The following FSIP2 variants were observed in gnomAD, a reference collection of about 807,000 sequenced individuals.
FSIP2 encodes fibrous sheath-interacting protein 2.
FSIP2 carries 367 observed loss-of-function variants against 510.5 expected under a neutral mutation model. The ratio of observed to expected loss-of-function variants is 0.72; its 90% CI spans 0.66 to 0.78. FSIP2 has a LOEUF of 0.78. Among genes scored for constraint, FSIP2 ranks in the 30% least tolerant of loss-of-function variants. FSIP2 has a pLI of 0.00. For synonymous variants in FSIP2, 2,601 were observed against 2,732.2 expected (o/e 0.95, Z 1.50); for missense variants, 7,594 against 7,901.7 (o/e 0.96, Z 1.48).
At chr2:185,757,728 C>T (rs912488890) in intron 9 of FSIP2, among the ~76,000 whole-genome samples, 9 of 151,276 alleles carry the variant, frequency 5.9e-5, no homozygotes, top group Non-Finnish European at 8.9e-5. Flanking sequence ...AGTCAATTTC[C>T]TGCTCCAGCT....
chr2:185,775,158 C>T (rs1221809722), intron 13 of FSIP2, among the ~76,000 whole-genome samples: 1 of 135,706 alleles, frequency 7.4e-6, no homozygotes, highest in East Asian at 2.2e-4. Context: ...AATCGCCACA[C>T]TGACTTCCAC....
chr2:185,767,728 G>C (rs1163034429), intron 13 of FSIP2, among the ~76,000 whole-genome samples: 4 of 151,840 alleles, frequency 2.6e-5, no homozygotes, highest in Non-Finnish European at 5.9e-5. Context: ...TCTATCTCTT[G>C]GTATATATCA....
At chr2:185,778,416 A>C (rs1029739774) in intron 13 of FSIP2, among the ~76,000 whole-genome samples, 3 of 152,072 alleles carry the variant, frequency 2.0e-5, no homozygotes, top group African/African-American at 4.8e-5. Flanking sequence ...GAAAATATAA[A>C]ATGTATCAAA....
chr2:185,791,768 G>A lies in FSIP2; in HGVS notation c.4632G>A (p.Arg1544=), dbSNP rs1057110876. 1 of 1,534,344 alleles carries A rather than the reference G, an allele frequency of 6.5e-7. No homozygotes were observed. The highest frequency in any genetic ancestry group is 2.0e-5 in the Admixed American group (1 of 50,830). Residue 1544 remains arginine (R), a synonymous_variant, in exon 16 of 23, where the codon AGG becomes AGA. Coordinates refer to ENST00000424728, the MANE Select transcript of FSIP2 (RefSeq NM_173651.4). ...TAATCTCCAGCATAGTTTCCAGAAG[G>A]GTTCAGGAGGACAATAAAGAAGAGA... The part of the protein sequence containing the change: ...TKIISSIVSR[R]VQEDNKEETK...
At chr2:185,828,666 T>C (rs1281830730) in intron 21 of FSIP2, among the ~76,000 whole-genome samples, 5 of 151,844 alleles carry the variant, frequency 3.3e-5, no homozygotes, top group Non-Finnish European at 5.9e-5. Flanking sequence ...TTCCTAAACA[T>C]TACTTCTTTA....
At chr2:185,782,616 C>T in intron 13 of FSIP2, 89 bp from the exon 14 acceptor site, 1 of 794,214 alleles carries the variant, frequency 1.3e-6, no homozygotes, top group Non-Finnish European at 2.1e-6. Context: ...GCAGTGATAA[C>T]AGAAAATAAA....
In FSIP2 at chr2:185,795,610, C is replaced by A; in HGVS notation, c.8474C>A (p.Ser2825Ter). The A allele has an allele frequency of 1.3e-6, 2 of 1,535,034 alleles. No individual in the cohort carries two copies. The highest frequency in any genetic ancestry group is 1.7e-6 in the Non-Finnish European group (2 of 1,146,070). The change falls in exon 16 of 23, where the codon TCA becomes TAA. Residue 2825 changes from serine to a stop codon, truncating the protein, a stop_gained. Coordinates refer to ENST00000424728, the MANE Select transcript of FSIP2 (RefSeq NM_173651.4). LOFTEE classifies it high-confidence loss of function. ...QACFYLENVS[S>*]QLEHIFPREG... ...TGTTTTTACTTGGAGAATGTTTCTT[C>A]ACAGCTAGAGCACATTTTTCCTAGA...
chr2:185,781,361 C>T (rs1053401665), intron 13 of FSIP2, among the ~76,000 whole-genome samples: 3 of 152,174 alleles, frequency 2.0e-5, no homozygotes, highest in African/African-American at 7.2e-5. Context: ...AAATTTAAAG[C>T]ATGCTAAGCT....
intron 2 of FSIP2, among the ~76,000 whole-genome samples, chr2:185,742,089 C>T (rs879187033): frequency 2.0e-5 from 3 of 152,212 alleles, no homozygotes; most frequent in Non-Finnish European, 2.9e-5. Flanking sequence ...CTCCAATTAT[C>T]TGTCTCCTGA....
At position 185,795,432 on chromosome 2, in the gene FSIP2, G is replaced by A; in HGVS notation, c.8296G>A (p.Asp2766Asn). 1.3e-6 allele frequency: 2 copies of A among 1,534,764 alleles called. No individual in the cohort carries two copies. Among genetic ancestry groups the A allele is most frequent in the Non-Finnish European group, 1.7e-6 (2 of 1,146,044 alleles). ...AAAGCAAACCAAAGCTTTACCATCTGATCAAATCATAGCAGCAGGTAAAAT... is the reference window on the plus strand; with the variant it reads ...AAAGCAAACCAAAGCTTTACCATCTAATCAAATCATAGCAGCAGGTAAAAT... ...KVKQTKALPS[D>N]QIIAAGKIVN... The change falls in exon 16 of 23, where the codon GAT (aspartate) becomes AAT (asparagine). Residue 2766 changes from aspartate to asparagine, a missense_variant. By Grantham distance (23) the Asp-to-Asn change is conservative. Transcript: ENST00000424728.
chr2:185,786,388 C>G (rs1692978600), intron 15 of FSIP2, 100 bp downstream of exon 15: 1 of 750,712 alleles, frequency 1.3e-6, no homozygotes, highest in Non-Finnish European at 2.1e-6. Context: ...AGGAATCATC[C>G]ATTGATATTT....
rs1279580606 is a variant in FSIP2 at position 185,790,127 on chromosome 2, G to C, written c.2991G>C (p.Met997Ile). 62 of 1,533,462 alleles carry C rather than the reference G, an allele frequency of 4.0e-5. No homozygotes were observed. Among genetic ancestry groups the C allele is most frequent in the Non-Finnish European group, 5.3e-5 (61 of 1,145,288 alleles). The allele number at this position is 1,533,462 out of a possible 1,614,324, so 95.0% of individuals were successfully genotyped here. The stretch of plus-strand genomic sequence containing the variant: ...TTCCACCTATAAATGTTCCAGGCAT[G>C]GTTCTTTATTCTGATGATGAAAATG... The part of the protein sequence containing the change: ...RPFPPINVPG[M>I]VLYSDDENEE... Residue 997 changes from methionine (M) to isoleucine (I), a missense_variant, in exon 16 of 23, where the codon ATG (methionine) becomes ATC (isoleucine). Met to Ile is a conservative substitution (Grantham distance 10). Transcript: ENST00000424728.
Position 185,807,290 on chromosome 2 carries a change from G to T in FSIP2, c.17984G>T (p.Ser5995Ile). The T allele has an allele frequency of 6.2e-7, 1 of 1,612,726 alleles. No homozygotes were observed. The change falls in exon 17 of 23, where the codon AGC becomes ATC. Residue 5995 changes from serine (S) to isoleucine (I), a missense_variant. Coordinates refer to ENST00000424728, the MANE Select transcript of FSIP2 (RefSeq NM_173651.4). The part of the protein sequence containing the change: ...KKVQKLAQTA[S>I]KECQTSSPYT... ...GTCCAAAAGTTGGCCCAAACAGCCA[G>T]CAAAGAATGTCAAACTTCATCACCA...
chr2:185,798,216 C>G (rs2105631878), intron 16 of FSIP2, among the ~76,000 whole-genome samples: 1 of 151,894 alleles, frequency 6.6e-6, no homozygotes, highest in East Asian at 2.0e-4. Context: ...GTGCAGTTAA[C>G]TGATTAAAAG....
intron 16 of FSIP2, among the ~76,000 whole-genome samples, chr2:185,798,173 C>A (rs1321287341): frequency 6.6e-6 from 1 of 151,784 alleles, no homozygotes; most frequent in Non-Finnish European, 1.5e-5. Context: ...TTTTAAAATT[C>A]TTATGCATAA....
chr2:185,822,792 C>A (rs1229234848), intron 19 of FSIP2, among the ~76,000 whole-genome samples: 2 of 151,788 alleles, frequency 1.3e-5, no homozygotes. Context: ...GTCTTATTTA[C>A]TGATTTCAAA....
Position 185,794,262 on chromosome 2 carries a change from C to T in FSIP2, c.7126C>T (p.Pro2376Ser). 2 of 1,530,674 alleles carry T rather than the reference C, an allele frequency of 1.3e-6. No individual in the cohort carries two copies. Among genetic ancestry groups the T allele is most frequent in the South Asian group, 2.4e-5 (2 of 83,118 alleles). The allele number at this position is 1,530,674 out of a possible 1,614,324, so 94.8% of individuals were successfully genotyped here. The change falls in exon 16 of 23, where the codon CCA becomes TCA. Residue 2376 changes from proline to serine, a missense_variant. Pro to Ser is a moderately conservative substitution (Grantham distance 74). Coordinates refer to ENST00000424728, the MANE Select transcript of FSIP2 (RefSeq NM_173651.4). ...DLDLEIQKIY[P>S]YQNNILFQEN... ...AGACTTAGAAATTCAAAAGATATATCCATATCAAAACAATATTTTGTTCCA... is the reference window on the plus strand; with the variant it reads ...AGACTTAGAAATTCAAAAGATATATTCATATCAAAACAATATTTTGTTCCA...
At position 185,813,882 on chromosome 2, in the gene FSIP2, C is replaced by T. The variant is rs1693784965; in HGVS notation, c.20165C>T (p.Thr6722Ile). ...FLSLSKCCQT[T>I]ASANIESTEA... ...TCACTAAGTAAATGTTGTCAGACCA[C>T]AGCCAGTGCAAATATTGAAAGTACT... The change falls in exon 18 of 23, where the codon ACA becomes ATA. Residue 6722 changes from threonine to isoleucine, a missense_variant. By Grantham distance (89) the Thr-to-Ile change is moderately conservative (BLOSUM62 -1). Coordinates refer to ENST00000424728, the MANE Select transcript of FSIP2 (RefSeq NM_173651.4). 2 of 1,613,668 alleles carry T rather than the reference C, an allele frequency of 1.2e-6. No individual in the cohort carries two copies. Among genetic ancestry groups the T allele is most frequent in the East Asian group, 2.2e-5 (1 of 44,810 alleles).
In FSIP2 at chr2:185,805,867, G is replaced by A. The variant is rs749016424; in HGVS notation, c.16561G>A (p.Asp5521Asn). Residue 5521 changes from aspartate to asparagine, a missense_variant, in exon 17 of 23, where the codon GAT becomes AAT. Asp to Asn is a conservative substitution (Grantham distance 23). Coordinates refer to ENST00000424728, the MANE Select transcript of FSIP2 (RefSeq NM_173651.4). Reference sequence around the variant, plus strand: ...AGGTGTGACAAATAAAAAGGAAGTGGATGAAAATAAAGTGGGAATTTGTAC... The same window carrying A: ...AGGTGTGACAAATAAAAAGGAAGTGAATGAAAATAAAGTGGGAATTTGTAC... The part of the protein sequence containing the change: ...ATGVTNKKEV[D>N]ENKVGICTQK... The A allele has an allele frequency of 5.6e-6, 9 of 1,608,694 alleles. No homozygotes were observed. In the South Asian group the frequency reaches 1.0e-4, roughly 18 times the overall value.
Sources: allele counts gnomAD v4.1 joint callset (sites outside exome capture counted in the v4.1 genomes callset), GRCh38; gene constraint gnomAD v4.1.1; transcripts MANE v1.5; gene names NCBI Gene and HGNC (gene_info 2026-07-23, HGNC 2026-07-21).